The following SCRG1 variants were observed in gnomAD, a reference collection of about 807,000 sequenced individuals.
The protein encoded by SCRG1 is stimulator of chondrogenesis 1.
In SCRG1, 3 loss-of-function variants were observed where a neutral mutation model predicts 7.7. The observed-to-expected ratio is 0.39, with a 90% CI of 0.18 to 1.01. The LOEUF (loss-of-function observed/expected upper bound fraction) is 1.01, where lower values mean the gene tolerates loss of function less well. SCRG1 is among the 50% of genes least tolerant of loss of function. The pLI, the probability that SCRG1 is intolerant of heterozygous loss-of-function variation, is 0.36. For missense variants in SCRG1, 110 were observed against 117.2 expected, an observed-to-expected ratio of 0.94 and a Z score of 0.28; for synonymous variants, 46 against 41.2, an observed-to-expected ratio of 1.12 and a Z score of -0.44.
At chr4:173,482,461 C>A in the SCRG1 span, among the ~76,000 whole-genome samples, 9 of 151,992 alleles carry the variant, frequency 5.9e-5, no homozygotes, top group Non-Finnish European at 1.0e-4. Flanking sequence ...AACATACTGT[C>A]TTTTTTCTTG....
chr4:173,395,223 T>C (rs1739570364), intron 1 of SCRG1, among the ~76,000 whole-genome samples: 1 of 152,236 alleles, frequency 6.6e-6, no homozygotes. Context: ...TTACTCATTT[T>C]ATGTCTGTCA....
the SCRG1 span, among the ~76,000 whole-genome samples, chr4:173,446,222 G>A: frequency 6.6e-6 from 1 of 152,016 alleles, no homozygotes; most frequent in Non-Finnish European, 1.5e-5. Flanking sequence ...GTTTCAGAGG[G>A]TCTATAAGGT....
At chr4:173,480,313 AG>A in the SCRG1 span, among the ~76,000 whole-genome samples, 1 of 152,200 alleles carries the variant, frequency 6.6e-6, no homozygotes, top group East Asian at 1.9e-4. Context: ...AGACAGGCTT[AG>A]TACAGTACAA....
chr4:173,415,569 T>C, the SCRG1 span, among the ~76,000 whole-genome samples: 1 of 152,206 alleles, frequency 6.6e-6, no homozygotes, highest in Non-Finnish European at 1.5e-5. Flanking sequence ...GCCTTTTCTT[T>C]AAAGGGAAAG....
chr4:173,405,546 T>C (rs1476877233), intron 1 of SCRG1, among the ~76,000 whole-genome samples: 1 of 152,238 alleles, frequency 6.6e-6, no homozygotes, highest in Non-Finnish European at 1.5e-5. Flanking sequence ...AGTAACTACA[T>C]AAATTTTGGA....
chr4:173,419,046 G>A, the SCRG1 span, among the ~76,000 whole-genome samples: 1 of 152,258 alleles, frequency 6.6e-6, no homozygotes, highest in East Asian at 1.9e-4. Context: ...ACTAATTTGA[G>A]AACCTACTAG....
the SCRG1 span, among the ~76,000 whole-genome samples, chr4:173,482,631 A>C: frequency 6.6e-6 from 1 of 151,950 alleles, no homozygotes; most frequent in Non-Finnish European, 1.5e-5. Flanking sequence ...CAGCCGTGGC[A>C]ACAAAGCAAA....
the SCRG1 span, among the ~76,000 whole-genome samples, chr4:173,483,730 C>A: frequency 0.15 from 215 of 1,438 alleles, 85 homozygotes; most frequent in Middle Eastern, 1. Context: ...TGTGATATAT[C>A]ATATATATGA....
the SCRG1 span, among the ~76,000 whole-genome samples, chr4:173,476,363 A>AAAAAAAAAATATATATAT: frequency 4.1e-5 from 4 of 98,458 alleles, no homozygotes; most frequent in Non-Finnish European, 6.9e-5. Context: ...GGAAAAAAAA[A>AAAAAAAAAATATATATAT]ATATATATAT....
chr4:173,493,164 ATG>A, the SCRG1 span, among the ~76,000 whole-genome samples: 1 of 152,026 alleles, frequency 6.6e-6, no homozygotes, highest in Non-Finnish European at 1.5e-5. Context: ...TAATCCCCAC[ATG>A]TCAGGGGAGG....
At chr4:173,475,733 T>A in the SCRG1 span, among the ~76,000 whole-genome samples, 1 of 152,190 alleles carries the variant, frequency 6.6e-6, no homozygotes, top group Non-Finnish European at 1.5e-5. Flanking sequence ...AAACATGGTG[T>A]ATACATACAA....
At chr4:173,460,862 G>A in the SCRG1 span, among the ~76,000 whole-genome samples, 1 of 152,172 alleles carries the variant, frequency 6.6e-6, no homozygotes, top group South Asian at 2.1e-4. Flanking sequence ...TACCAGGCTA[G>A]GCAGCATTCA....
chr4:173,506,477 CCTCAATTTT>C, the SCRG1 span, among the ~76,000 whole-genome samples: 1 of 152,190 alleles, frequency 6.6e-6, no homozygotes, highest in Non-Finnish European at 1.5e-5. This position sits in a 1 kb window ranked among gnomAD's most constrained non-coding sequence, Gnocchi z 5.3. Context: ...TCTCTTTGCA[CCTCAATTTT>C]CTTGTAGGCA....
chr4:173,479,048 G>T, the SCRG1 span, among the ~76,000 whole-genome samples: 1 of 152,176 alleles, frequency 6.6e-6, no homozygotes, highest in Non-Finnish European at 1.5e-5. Flanking sequence ...GGCCTGGCTT[G>T]TTCGTACACT....
chr4:173,423,160 TA>T, the SCRG1 span, among the ~76,000 whole-genome samples: 4 of 152,202 alleles, frequency 2.6e-5, no homozygotes, highest in Non-Finnish European at 4.4e-5. Flanking sequence ...TACATTTTCT[TA>T]AAAAAGTGAC....
chr4:173,451,910 A>G, the SCRG1 span, among the ~76,000 whole-genome samples: 1 of 152,138 alleles, frequency 6.6e-6, no homozygotes, highest in African/African-American at 2.4e-5. Context: ...GTCAGAAGGA[A>G]ATAGTCTCTG....
the SCRG1 span, among the ~76,000 whole-genome samples, chr4:173,506,801 G>C: frequency 2.0e-5 from 3 of 152,138 alleles, no homozygotes; most frequent in Non-Finnish European, 2.9e-5. The surrounding 1 kb of genome is among the most constrained non-coding windows in gnomAD (Gnocchi z 5.3). Context: ...ATTCCGGGAC[G>C]GCGGTGTCTA....
the SCRG1 span, among the ~76,000 whole-genome samples, chr4:173,483,319 C>G: frequency 8.2e-4 from 19 of 23,142 alleles, no homozygotes; most frequent in African/African-American, 1.7e-3. Flanking sequence ...TATTACATAT[C>G]ATATATTATA....
At chr4:173,424,524 C>G in the SCRG1 span, among the ~76,000 whole-genome samples, 5 of 152,186 alleles carry the variant, frequency 3.3e-5, no homozygotes, top group African/African-American at 1.2e-4. Flanking sequence ...TTGACTGGCA[C>G]AGATCATTGC....
Sources: gnomAD v4.1 joint callset for allele counts (sites outside exome capture counted in the v4.1 genomes callset) on GRCh38, gnomAD v4.1.1 for gene constraint, Gnocchi (gnomAD v3.1) non-coding constraint, MANE v1.5 for transcripts, NCBI Gene and HGNC (gene_info 2026-07-23, HGNC 2026-07-21) for gene names.